Variants in GPAT4 observed in about 807,000 individuals in gnomAD.
GPAT4 encodes the protein 1-AGP acyltransferase 6.
A neutral mutation model predicts 58.0 loss-of-function variants in GPAT4; 17 were observed. The ratio of observed to expected loss-of-function variants is 0.29; its 90% CI spans 0.20 to 0.44. The LOEUF is 0.44. Ranked by LOEUF, GPAT4 falls within the 20% of genes least tolerant of loss-of-function variation. The probability of loss-of-function intolerance (pLI) is 1.00; values close to 1 mark genes in which losing one functional copy is unlikely to be tolerated. For missense variants in GPAT4, 377 were observed against 574.5 expected, an observed-to-expected ratio of 0.66 and a Z score of 3.51; for synonymous variants, 204 against 210.1, an observed-to-expected ratio of 0.97 and a Z score of 0.25.
chr8:41,617,835 C>T (rs1803638220), intron 10 of GPAT4, among the ~76,000 whole-genome samples: 1 of 152,176 alleles, frequency 6.6e-6, no homozygotes, highest in Non-Finnish European at 1.5e-5. Context: ...TACAGGATCC[C>T]TTCAGACATT....
Position 41,623,839 on chromosome 8 carries a change from T to C in GPAT4, c.*2838T>C, listed in dbSNP as rs1422201002. 1.6e-5 allele frequency: 2 copies of C among 125,684 alleles called. No individual in the cohort carries two copies. Among genetic ancestry groups the C allele is most frequent in the African/African-American group, 3.2e-5 (1 of 31,240 alleles). 7.8% of individuals were successfully genotyped at this position (125,684 alleles called of 1,614,324 possible). A position where few individuals can be genotyped will look rare whatever the true frequency, so the allele number is the denominator to read the frequency against. On this transcript the variant is annotated 3_prime_UTR_variant, in exon 13 of 13. Coordinates refer to ENST00000396987, the MANE Select transcript of GPAT4 (RefSeq NM_178819.4). ...ACTTTCCACCCACCAGTTAGGGAACTTTTTTTTTTTTTTTAAACACGGAGT... is the reference window on the plus strand; with the variant it reads ...ACTTTCCACCCACCAGTTAGGGAACCTTTTTTTTTTTTTTAAACACGGAGT...
rs568927695 is a variant in GPAT4, at chr8:41,618,077, C to T, written c.1054-607C>T. 5.9e-5 allele frequency among the ~76,000 whole-genome samples: 9 copies of T among 152,330 alleles called. No homozygotes were observed. The South Asian group carries it at 1.9e-3, about 32-fold the overall frequency. ...TAGATGCAGGCCTGTGTGGTTGAGA[C>T]CTCCCAAGGCTGTCAGCGTGAGCAC... On this transcript the variant is annotated intron_variant, in intron 10 of 12. Transcript: ENST00000396987.
At chr8:41,601,423 AG>A (rs1803091929) in intron 2 of GPAT4, among the ~76,000 whole-genome samples, 1 of 152,236 alleles carries the variant, frequency 6.6e-6, no homozygotes, top group African/African-American at 2.4e-5. Flanking sequence ...AGCAGCACAC[AG>A]GATCCCTGCG....
chr8:41,615,075 G>A, intron 10 of GPAT4, 27 bp downstream of exon 10: 1 of 1,579,606 alleles, frequency 6.3e-7, no homozygotes, highest in African/African-American at 1.3e-5. Context: ...GGTACACACT[G>A]TCATTACTGG....
intron 5 of GPAT4, among the ~76,000 whole-genome samples, chr8:41,611,659 G>C (rs931633646): frequency 1.3e-5 from 2 of 152,180 alleles, no homozygotes; most frequent in Non-Finnish European, 2.9e-5. Context: ...GCGGATGCCG[G>C]ATTCTAGGCT....
intron 12 of GPAT4, among the ~76,000 whole-genome samples, chr8:41,619,941 C>T (rs1451679321): frequency 1.3e-5 from 2 of 152,156 alleles, no homozygotes; most frequent in African/African-American, 2.4e-5. Context: ...AGCCGCAGCG[C>T]TGTAAACAGT....
intron 1 of GPAT4, among the ~76,000 whole-genome samples, chr8:41,583,076 A>C (rs898311998): frequency 3.3e-5 from 5 of 152,052 alleles, no homozygotes; most frequent in African/African-American, 4.8e-5. Context: ...TACAAAAAAA[A>C]CTAGCCGGCT....
intron 10 of GPAT4, among the ~76,000 whole-genome samples, chr8:41,615,313 G>A (rs1803564930): frequency 6.6e-6 from 1 of 152,228 alleles, no homozygotes; most frequent in Non-Finnish European, 1.5e-5. Flanking sequence ...TTCGGGAAAT[G>A]GCAAGCCCTT....
At chr8:41,619,163 T>A in intron 12 of GPAT4, 186 bp downstream of exon 12, 1 of 680,528 alleles carries the variant, frequency 1.5e-6, no homozygotes, top group Non-Finnish European at 2.5e-6. Context: ...GGAACCTGGA[T>A]CAGGGATGCC....
At chr8:41,594,582 G>T in intron 1 of GPAT4, among the ~76,000 whole-genome samples, 1 of 128,776 alleles carries the variant, frequency 7.8e-6, no homozygotes, top group Non-Finnish European at 1.6e-5. Context: ...GTCTCGCTCT[G>T]TCGCTCAGGC....
chr8:41,593,140 C>A (rs906425796), intron 1 of GPAT4, among the ~76,000 whole-genome samples: 1 of 152,164 alleles, frequency 6.6e-6, no homozygotes, highest in Admixed American at 6.5e-5. Flanking sequence ...CAAGATTATG[C>A]GTTTGGGCAC....
In GPAT4 at chr8:41,602,238, G is replaced by A. The variant is rs949419563; in HGVS notation, c.165+2934G>A. 2.0e-5 allele frequency among the ~76,000 whole-genome samples: 3 copies of A among 152,324 alleles called. No homozygotes were observed. The East Asian group carries it at 5.8e-4, about 29-fold the overall frequency. ...CCAAAGTGGTGCTGGGATTACAGGC[G>A]TGAGCCACCACACCTGGCCTGGGGC... is the stretch of plus-strand genomic sequence containing the variant. On this transcript the variant is annotated intron_variant, in intron 2 of 12. Transcript: ENST00000396987.
chr8:41,615,089 T>G, intron 10 of GPAT4, 41 bp downstream of exon 10: 1 of 1,540,842 alleles, frequency 6.5e-7, no homozygotes, highest in South Asian at 1.1e-5. Flanking sequence ...TTACTGGAGC[T>G]GCTGTGAGTG....
chr8:41,587,501 A>G (rs1206869792), intron 1 of GPAT4, among the ~76,000 whole-genome samples: 1 of 152,174 alleles, frequency 6.6e-6, no homozygotes. Context: ...AGCACATATT[A>G]TCACTTTGCT....
At position 41,624,372 on chromosome 8, in the gene GPAT4, AACC is replaced by A. The variant is rs371017441; in HGVS notation, c.*3372_*3374del. 20 of 152,330 alleles carry A rather than the reference AACC, an allele frequency of 1.3e-4. No individual in the cohort carries two copies. In the East Asian group the frequency reaches 3.7e-3, roughly 28 times the overall value. 9.4% of individuals were successfully genotyped at this position (152,330 alleles called of 1,614,324 possible). On this transcript the variant is annotated 3_prime_UTR_variant, in exon 13 of 13. Coordinates refer to ENST00000396987, the MANE Select transcript of GPAT4 (RefSeq NM_178819.4). The stretch of plus-strand genomic sequence containing the variant: ...CACGGCACAGCAAACAGTGGGCACT[AACC>A]CTGTTGTCCTGTGGAAATCTGGGTC...
Position 41,582,695 on chromosome 8 carries a change from G to GTGTA in GPAT4, c.-849+4417_-849+4418insTGTA, listed in dbSNP as rs1554500376. On this transcript the variant is annotated intron_variant, in intron 1 of 12. Coordinates refer to ENST00000396987, the MANE Select transcript of GPAT4 (RefSeq NM_178819.4). ...AGAGAGTGTGTGTGTGTGTGTGTGTGGGTGTATCTCAAAACATCACATTGT... is the reference window on the plus strand; with the variant it reads ...AGAGAGTGTGTGTGTGTGTGTGTGTGTGTAGGTGTATCTCAAAACATCACATTGT... Among the ~76,000 whole-genome samples the GTGTA allele has an allele frequency of 1.3e-3, 192 of 147,534 alleles. 1 individual carries two copies. Among genetic ancestry groups the GTGTA allele is most frequent in the Middle Eastern group, 7.0e-3 (2 of 284 alleles).
In GPAT4 at chr8:41,612,510, AGTT is replaced by A. The variant is rs553889074; in HGVS notation, c.795+239_795+241del. Among the ~76,000 whole-genome samples the A allele has an allele frequency of 3.6e-3, 545 of 152,276 alleles. 1 individual carries two copies. The highest frequency in any genetic ancestry group is 5.7e-3 in the Non-Finnish European group (385 of 68,024). On this transcript the variant is annotated intron_variant, in intron 7 of 12. Coordinates refer to ENST00000396987, the MANE Select transcript of GPAT4 (RefSeq NM_178819.4). ...CAGGCAGACCAGCAGGGGCAGAGGG[AGTT>A]GCTGGCAAGGACTGTGTCCAGGGCA...
rs780622204 is a variant in GPAT4, at chr8:41,612,925, C to A, written c.876C>A (p.Arg292=). Residue 292 remains arginine (R), a synonymous_variant, in exon 8 of 13, where the codon CGC becomes CGA. Coordinates refer to ENST00000396987, the MANE Select transcript of GPAT4 (RefSeq NM_178819.4). ...CCTGCCCACACGTCTGGTTTGAGCGCTCGGAAGTGAAGGATCGCCACCTGG... is the reference window on the plus strand; with the variant it reads ...CCTGCCCACACGTCTGGTTTGAGCGATCGGAAGTGAAGGATCGCCACCTGG... ...VKACPHVWFE[R]SEVKDRHLVA... 25 of 1,614,004 alleles carry A rather than the reference C, an allele frequency of 1.5e-5. No homozygotes were observed. The highest frequency in any genetic ancestry group is 2.0e-5 in the Non-Finnish European group (24 of 1,180,026).
chr8:41,608,820 T>G (rs201683507), intron 2 of GPAT4, among the ~76,000 whole-genome samples: 2 of 29,786 alleles, frequency 6.7e-5, no homozygotes, highest in Middle Eastern at 0.05. Context: ...TGAATCTGGG[T>G]TTTTTTTTTT....
Sources: allele counts gnomAD v4.1 joint callset (sites outside exome capture counted in the v4.1 genomes callset), GRCh38; gene constraint gnomAD v4.1.1; transcripts MANE v1.5; gene names NCBI Gene and HGNC (gene_info 2026-07-23, HGNC 2026-07-21).